RARB: variants seen among roughly 807,000 people sequenced by gnomAD.
RARB encodes the protein HBV-activated protein.
RARB carries 17 observed loss-of-function variants against 51.9 expected under a neutral mutation model. That is an observed-to-expected ratio of 0.33 (90% CI 0.22 to 0.49). The LOEUF is 0.49. RARB is among the 20% of genes least tolerant of loss of function. The probability of loss-of-function intolerance (pLI) is 0.99; values close to 1 mark genes in which losing one functional copy is unlikely to be tolerated. For missense variants in RARB, 369 were observed against 550.8 expected, an observed-to-expected ratio of 0.67 and a Z score of 3.30; for synonymous variants, 215 against 195.4, an observed-to-expected ratio of 1.10 and a Z score of -0.84.
intron 2 of RARB, among the ~76,000 whole-genome samples, chr3:25,007,818 C>T (rs957981372): frequency 2.6e-5 from 4 of 151,804 alleles, no homozygotes; most frequent in South Asian, 2.1e-4. Flanking sequence ...CTTTGTGATA[C>T]GTGTTACATC....
chr3:25,188,177 T>C (rs1701020218), intron 5 of RARB, among the ~76,000 whole-genome samples: 1 of 152,056 alleles, frequency 6.6e-6, no homozygotes, highest in Non-Finnish European at 1.5e-5. Context: ...ATATTAATAG[T>C]CTTCATTTCT....
intron 2 of RARB, among the ~76,000 whole-genome samples, chr3:24,912,638 C>T (rs1193059018): frequency 5.3e-5 from 8 of 152,036 alleles, no homozygotes; most frequent in Admixed American, 2.6e-4. Flanking sequence ...GAACTCCCAT[C>T]GCTGGGAGGA....
chr3:25,099,677 G>T (rs1193110197), intron 3 of RARB, among the ~76,000 whole-genome samples: 1 of 150,230 alleles, frequency 6.7e-6, no homozygotes, highest in Admixed American at 6.6e-5. Flanking sequence ...TTTGTGTAAA[G>T]GTTTTCTTGA....
chr3:25,178,093 C>G (rs1038920250), intron 5 of RARB, among the ~76,000 whole-genome samples: 3 of 151,980 alleles, frequency 2.0e-5, no homozygotes, highest in Admixed American at 2.0e-4. Flanking sequence ...TTGGTATGAT[C>G]ATTTGTGACC....
At chr3:25,442,451 ATTAAT>A (rs1460330476) in intron 1 of RARB, among the ~76,000 whole-genome samples, 1 of 152,142 alleles carries the variant, frequency 6.6e-6, no homozygotes, top group Non-Finnish European at 1.5e-5. Flanking sequence ...TTTTATTTTA[ATTAAT>A]TTAACTTTCA....
intron 1 of RARB, among the ~76,000 whole-genome samples, chr3:24,834,411 A>G (rs1236067520): frequency 6.6e-6 from 1 of 152,242 alleles, no homozygotes; most frequent in Non-Finnish European, 1.5e-5. Flanking sequence ...AGAATCAAGC[A>G]TGTTCAATGT....
chr3:25,224,839 G>A (rs936868052), intron 5 of RARB, among the ~76,000 whole-genome samples: 10 of 151,662 alleles, frequency 6.6e-5, no homozygotes, highest in Admixed American at 1.3e-4. Context: ...TCCTAGGCTC[G>A]AGCAATCCAC....
intron 3 of RARB, among the ~76,000 whole-genome samples, chr3:25,123,253 G>A (rs1699812010): frequency 6.6e-6 from 1 of 152,210 alleles, no homozygotes; most frequent in African/African-American, 2.4e-5. Context: ...TTTGGGAAGT[G>A]TGTTTCACAG....
rs1242948596 is a variant in RARB, at chr3:25,597,848, G to GTTTAACAATGCTT, written c.*1234_*1246dup. 1 of 152,074 alleles carries GTTTAACAATGCTT rather than the reference G, an allele frequency of 6.6e-6. No individual in the cohort carries two copies. The highest frequency in any genetic ancestry group is 1.5e-5 in the Non-Finnish European group (1 of 67,972). 9.4% of individuals were successfully genotyped at this position (152,074 alleles called of 1,614,324 possible). On this transcript the variant is annotated 3_prime_UTR_variant, in exon 8 of 8. Transcript: ENST00000330688. Reference sequence around the variant, plus strand: ...CTCTGTTTGTACATTGAGATTGTTTGTTTAACAATGCTTTCTATGTTCATA... The same window carrying GTTTAACAATGCTT: ...CTCTGTTTGTACATTGAGATTGTTTGTTTAACAATGCTTTTTAACAATGCTTTCTATGTTCATA...
chr3:25,166,380 G>A (rs139396022), intron 4 of RARB, among the ~76,000 whole-genome samples: 71 of 152,178 alleles, frequency 4.7e-4, no homozygotes, highest in African/African-American at 1.4e-3. Context: ...CTGAAAACAG[G>A]TACTTGGCTG....
At chr3:25,176,517 C>G (rs1352492170) in intron 5 of RARB, among the ~76,000 whole-genome samples, 2 of 151,064 alleles carry the variant, frequency 1.3e-5, no homozygotes, top group African/African-American at 2.4e-5. Flanking sequence ...CACCTCAACC[C>G]TCTGAGTGAC....
intron 5 of RARB, among the ~76,000 whole-genome samples, chr3:25,321,072 C>G (rs1052165264): frequency 6.6e-6 from 1 of 152,152 alleles, no homozygotes; most frequent in African/African-American, 2.4e-5. Flanking sequence ...GGTATAACCC[C>G]GGTGTGGAAC....
intron 3 of RARB, among the ~76,000 whole-genome samples, chr3:25,557,450 A>C (rs376639447): frequency 6.6e-6 from 1 of 152,156 alleles, no homozygotes; most frequent in African/African-American, 2.4e-5. Flanking sequence ...CCTGAAACCC[A>C]GATAGCCAAT....
intron 5 of RARB, among the ~76,000 whole-genome samples, chr3:25,373,803 C>A (rs570012003): frequency 6.6e-6 from 1 of 152,120 alleles, no homozygotes; most frequent in Non-Finnish European, 1.5e-5. Flanking sequence ...GTGACTTGAA[C>A]TTTAGAGAGG....
chr3:25,200,124 T>C (rs922606494), intron 5 of RARB, among the ~76,000 whole-genome samples: 42 of 152,172 alleles, frequency 2.8e-4, no homozygotes, highest in Non-Finnish European at 3.7e-4. Flanking sequence ...CCTGACTTTT[T>C]AATGATCTCC....
At chr3:24,982,946 C>A (rs1431512778) in intron 2 of RARB, among the ~76,000 whole-genome samples, 1 of 152,176 alleles carries the variant, frequency 6.6e-6, no homozygotes, top group African/African-American at 2.4e-5. Context: ...AGTAAGAATT[C>A]TTTTTGAAAC....
intron 2 of RARB, among the ~76,000 whole-genome samples, chr3:24,903,629 C>T (rs1041104413): frequency 1.3e-5 from 2 of 152,128 alleles, no homozygotes; most frequent in African/African-American, 2.4e-5. Context: ...AGACTTTTAT[C>T]TCATACTGCT....
At chr3:25,452,304 G>A (rs1182696011) in intron 1 of RARB, among the ~76,000 whole-genome samples, 1 of 152,214 alleles carries the variant, frequency 6.6e-6, no homozygotes, top group Non-Finnish European at 1.5e-5. Flanking sequence ...AAAATGAAAT[G>A]TTGGTGTTGA....
At chr3:25,088,389 T>G (rs760326390) in intron 3 of RARB, among the ~76,000 whole-genome samples, 2 of 152,170 alleles carry the variant, frequency 1.3e-5, no homozygotes, top group Non-Finnish European at 2.9e-5. Context: ...AACGCCCTTG[T>G]TTGCTTGCCA....
Sources: allele counts gnomAD v4.1 joint callset (sites outside exome capture counted in the v4.1 genomes callset), GRCh38; gene constraint gnomAD v4.1.1; transcripts MANE v1.5; gene names NCBI Gene and HGNC (gene_info 2026-07-23, HGNC 2026-07-21).